Variants in MISP observed in about 807,000 individuals in gnomAD.
The protein encoded by MISP is mitotic interactor and substrate of PLK1.
Under a neutral mutation model 49.3 loss-of-function variants are expected in MISP, and 51 were observed. The ratio of observed to expected loss-of-function variants is 1.03; its 90% CI spans 0.83 to 1.31. MISP has a LOEUF of 1.31. Among genes scored for constraint, MISP ranks in the 50% most tolerant of loss-of-function variants. The pLI is 0.00. For synonymous variants in MISP, 444 were observed against 392.6 expected (o/e 1.13, Z -1.55); for missense variants, 1,084 against 935.1 (o/e 1.16, Z -2.08).
chr19:762,302 G>A (rs1036698565), intron 4 of MISP, among the ~76,000 whole-genome samples: 2 of 150,998 alleles, frequency 1.3e-5, no homozygotes, highest in African/African-American at 4.9e-5. Context: ...GCCCAGGCTG[G>A]AGTGGAGTGG....
upstream of MISP, among the ~76,000 whole-genome samples, chr19:749,025 C>A (rs1473746050): frequency 6.6e-6 from 1 of 152,332 alleles, no homozygotes; most frequent in East Asian, 1.9e-4. Flanking sequence ...GTAATCCTAG[C>A]TATTCAGGAG....
chr19:750,188 C>CTTTT, upstream of MISP, among the ~76,000 whole-genome samples: 1 of 112,642 alleles, frequency 8.9e-6, no homozygotes, highest in African/African-American at 3.7e-5. Flanking sequence ...TCGTGCGGTT[C>CTTTT]TTTTTTTTTT....
At chr19:752,787 G>A (rs111376580) in intron 1 of MISP, among the ~76,000 whole-genome samples, 1 of 151,494 alleles carries the variant, frequency 6.6e-6, no homozygotes, top group Admixed American at 6.6e-5. Context: ...AAATCCCGCT[G>A]TGTAAACGTC....
At chr19:762,099 C>A (rs2144969537) in intron 4 of MISP, among the ~76,000 whole-genome samples, 1 of 143,984 alleles carries the variant, frequency 6.9e-6, no homozygotes, top group East Asian at 2.1e-4. Context: ...AGGCGCCCAC[C>A]ACCACGCCCG....
At position 761,628 on chromosome 19, in the gene MISP, G is replaced by T. The variant is rs763389056; in HGVS notation, c.1915G>T (p.Ala639Ser). The change falls in exon 4 of 5, where the codon GCT (alanine) becomes TCT (serine). Residue 639 changes from alanine (A) to serine (S), a missense_variant. Coordinates refer to ENST00000215582, the MANE Select transcript of MISP (RefSeq NM_173481.4). ...PGQRKKEQWY[A>S]GINPSDGINS... is the part of the protein sequence containing the mutation. ...GACTTGTGTTCCTTTCCTGTAGTAC[G>T]CTGGCATCAACCCCTCGGACGGTAT... The T allele has an allele frequency of 1.2e-6, 2 of 1,614,074 alleles. No homozygotes were observed. Among genetic ancestry groups the T allele is most frequent in the East Asian group, 2.2e-5 (1 of 44,836 alleles).
At chr19:761,759 G>A in intron 4 of MISP, 96 bp downstream of exon 4, 1 of 1,371,918 alleles carries the variant, frequency 7.3e-7, no homozygotes, top group Non-Finnish European at 1.0e-6. Context: ...CTCCAGGTGT[G>A]GGGATCGTAT....
rs774372394 is a variant in MISP at position 757,725 on chromosome 19, A to C, written c.779A>C (p.Lys260Thr). 1 of 1,613,880 alleles carries C rather than the reference A, an allele frequency of 6.2e-7. No individual in the cohort carries two copies. The highest frequency in any genetic ancestry group is 8.5e-7 in the Non-Finnish European group (1 of 1,179,974). ...QVKGVVREEN[K>T]VRAVPTWASV... ...AAGGGGGTGGTCAGGGAAGAGAACA[A>C]GGTGCGTGCTGTGCCCACCTGGGCC... The change falls in exon 2 of 5, where the codon AAG becomes ACG. Residue 260 changes from lysine to threonine, a missense_variant. Lys to Thr is a moderately conservative substitution (Grantham distance 78, BLOSUM62 -1). Transcript: ENST00000215582.
chr19:754,743 A>G (rs938594132), intron 1 of MISP, among the ~76,000 whole-genome samples: 1 of 152,232 alleles, frequency 6.6e-6, no homozygotes, highest in African/African-American at 2.4e-5. Context: ...GGAGGTGTCC[A>G]TGGGCTTCAG....
At chr19:748,884 A>G (rs1458083069), upstream of MISP, among the ~76,000 whole-genome samples, 1 of 152,206 alleles carries the variant, frequency 6.6e-6, no homozygotes, top group African/African-American at 2.4e-5. Context: ...CACACCTGCA[A>G]TCCTAGTACT....
At chr19:761,932 CT>C (rs962370018) in intron 4 of MISP, among the ~76,000 whole-genome samples, 3 of 151,208 alleles carry the variant, frequency 2.0e-5, no homozygotes, top group South Asian at 2.1e-4. Context: ...GGCAATGTTG[CT>C]TTTTTTTTGT....
At chr19:759,820 T>A (rs1017977025) in intron 2 of MISP, 89 bp from the exon 3 acceptor site, 14 of 1,479,698 alleles carry the variant, frequency 9.5e-6, no homozygotes, top group Non-Finnish European at 3.7e-6. Flanking sequence ...TCCATACATC[T>A]GTCTCCTTAG....
Position 757,822 on chromosome 19 carries a change from C to T in MISP, c.876C>T (p.Pro292=). The T allele has an allele frequency of 1.9e-6, 3 of 1,611,350 alleles. 1 individual carries two copies. The South Asian group carries it at 3.3e-5, about 18-fold the overall frequency. ...CCCCGGGGACCCCCAAGGAGACGCC[C>T]ATCGAGCGGGAGATCCGTCTGGCTC... ...VESPGTPKET[P]IEREIRLAQE... is the part of the protein sequence containing the mutation. Residue 292 remains proline, a synonymous_variant, in exon 2 of 5, where the codon CCC becomes CCT. Transcript: ENST00000215582.
At chr19:751,849 A>G (rs1250815443) in intron 1 of MISP, among the ~76,000 whole-genome samples, 1 of 152,148 alleles carries the variant, frequency 6.6e-6, no homozygotes, top group African/African-American at 2.4e-5. Context: ...GGAAAAAGGA[A>G]CGGGGCCCTC....
upstream of MISP, among the ~76,000 whole-genome samples, chr19:749,733 G>A (rs913179356): frequency 6.6e-6 from 1 of 152,304 alleles, no homozygotes; most frequent in South Asian, 2.1e-4. Context: ...GGGAAGCTGA[G>A]GCAGGAGAAT....
At chr19:754,603 T>G (rs4919828) in intron 1 of MISP, among the ~76,000 whole-genome samples, 8,345 of 152,290 alleles carry the variant, frequency 0.055, 575 homozygotes, top group East Asian at 0.35. Context: ...GTCCAGCCTG[T>G]GCATCGCAGC....
intron 2 of MISP, among the ~76,000 whole-genome samples, chr19:759,537 C>T (rs2033637272): frequency 6.6e-6 from 1 of 151,740 alleles, no homozygotes; most frequent in South Asian, 2.1e-4. Context: ...GTAGCTGGGA[C>T]TACAGGCGCC....
Position 757,085 on chromosome 19 carries a change from G to A in MISP, c.139G>A (p.Glu47Lys). 6.2e-7 allele frequency: 1 copy of A among 1,612,842 alleles called. No individual in the cohort carries two copies. The highest frequency in any genetic ancestry group is 8.5e-7 in the Non-Finnish European group (1 of 1,179,730). ...CGAGGCCAGCGGCTGGGGCCAGGAT[G>A]AGCCGCAGACATGGCCCACTGACCA... ...GPEASGWGQD[E>K]PQTWPTDHRA... The change falls in exon 2 of 5, where the codon GAG becomes AAG. Residue 47 changes from glutamate to lysine, a missense_variant. Transcript: ENST00000215582.
chr19:759,891 C>T lies in MISP; in HGVS notation c.1781-18C>T, dbSNP rs752388310. The T allele has an allele frequency of 8.1e-6, 13 of 1,613,556 alleles. No homozygotes were observed. The Admixed American group carries it at 1.8e-4, about 23-fold the overall frequency. ...CTGACAAATGTTCTAATGTTCTGCC[C>T]TCCCTGCTCCCCTACAGGCATCACG... On this transcript the variant is annotated intron_variant, in intron 2 of 4. Transcript: ENST00000215582.
chr19:754,966 G>A (rs543821558), intron 1 of MISP, among the ~76,000 whole-genome samples: 2 of 148,996 alleles, frequency 1.3e-5, no homozygotes, highest in Admixed American at 1.3e-4. Flanking sequence ...GGGTGGAAGA[G>A]GAGGGCCTGG....
Sources: allele counts gnomAD v4.1 joint callset (sites outside exome capture counted in the v4.1 genomes callset), GRCh38; gene constraint gnomAD v4.1.1; transcripts MANE v1.5; gene names NCBI Gene and HGNC (gene_info 2026-07-23, HGNC 2026-07-21).